FGF17: variants seen among roughly 807,000 people sequenced by gnomAD.
FGF17 encodes fibroblast growth factor 17.
A neutral mutation model predicts 23.5 loss-of-function variants in FGF17; 5 were observed. The observed-to-expected ratio is 0.21, with a 90% CI of 0.11 to 0.45. The LOEUF is 0.45. Ranked by LOEUF, FGF17 falls within the 20% of genes least tolerant of loss-of-function variation. The probability of loss-of-function intolerance (pLI) is 0.99; values close to 1 mark genes in which losing one functional copy is unlikely to be tolerated. For missense variants in FGF17, 221 were observed against 306.9 expected (o/e 0.72, Z 2.09); for synonymous variants, 136 against 123.0 (o/e 1.11, Z -0.70).
In FGF17 at chr8:22,042,865, A is replaced by G; in HGVS notation, c.-64A>G. On this transcript the variant is annotated 5_prime_UTR_variant, in exon 1 of 5. Coordinates refer to ENST00000359441, the MANE Select transcript of FGF17 (RefSeq NM_003867.4). ...CTTCTCTGGGACTCTACCCCTGGGG[A>G]CTTCCCACATCTGCTCCTGAGCTTG... The G allele has an allele frequency of 6.4e-7, 1 of 1,572,118 alleles. No homozygotes were observed. The highest frequency in any genetic ancestry group is 1.1e-5 in the South Asian group (1 of 89,348).
intron 2 of FGF17, chr8:22,045,817 G>T: frequency 7.5e-7 from 1 of 1,326,790 alleles, no homozygotes; most frequent in East Asian, 3.4e-5. Context: ...GGACGGGATA[G>T]AACCCTGAGG....
chr8:22,042,693 C>G (rs779236707), upstream of FGF17: 8 of 604,666 alleles, frequency 1.3e-5, no homozygotes, highest in South Asian at 1.2e-4. Context: ...GCTTTGCAGC[C>G]TCACTGGCCA....
In FGF17 at chr8:22,045,549, C is replaced by T. The variant is rs1370914361; in HGVS notation, c.73-565C>T. The stretch of plus-strand genomic sequence containing the variant: ...GTGCTTCAAAGAAATGCTCATGGGA[C>T]CCTGCAGGAGCTTTCAGAGTCCCCC... On this transcript the variant is annotated intron_variant, in intron 2 of 4. Transcript: ENST00000359441. 4 of 993,770 alleles carry T rather than the reference C, an allele frequency of 4.0e-6. No individual in the cohort carries two copies. The African/African-American group carries it at 7.0e-5, about 17-fold the overall frequency. 61.6% of individuals were successfully genotyped at this position (993,770 alleles called of 1,614,324 possible). A position where few individuals can be genotyped will look rare whatever the true frequency, so the allele number is the denominator to read the frequency against.
At chr8:22,044,352 G>A (rs537263871) in intron 2 of FGF17, among the ~76,000 whole-genome samples, 1 of 152,110 alleles carries the variant, frequency 6.6e-6, no homozygotes. Context: ...CTGCAGTGGT[G>A]GAAGGGGAGG....
upstream of FGF17, among the ~76,000 whole-genome samples, chr8:22,040,701 C>A (rs1455930867): frequency 6.6e-6 from 1 of 152,240 alleles, no homozygotes; most frequent in African/African-American, 2.4e-5. Context: ...GCCAGTGAGT[C>A]CCGACAGCAT....
Position 22,043,318 on chromosome 8 carries a change from G to A in FGF17, c.72+137G>A, listed in dbSNP as rs969798145. On this transcript the variant is annotated intron_variant, in intron 2 of 4. Transcript: ENST00000359441. ...CTGGGTCCAGGAGGCACTGAGGTTT[G>A]GAGGGGAGTGAGCCTTTGACCGGGT... 5 of 862,740 alleles carry A rather than the reference G, an allele frequency of 5.8e-6. No individual in the cohort carries two copies. In the Admixed American group the frequency reaches 6.0e-5, roughly 10 times the overall value. The allele number at this position is 862,740 out of a possible 1,614,324, so 53.4% of individuals were successfully genotyped here.
chr8:22,043,081 C>T (rs1179545272), intron 1 of FGF17, 64 bp from the exon 2 acceptor site: 1 of 1,603,176 alleles, frequency 6.2e-7, no homozygotes, highest in Admixed American at 1.7e-5. Context: ...GGGGCGGGGG[C>T]CTGGGTGCAC....
chr8:22,046,279 G>T lies in FGF17; in HGVS notation c.238G>T (p.Gly80Cys), dbSNP rs765200675. The T allele has an allele frequency of 6.2e-7, 1 of 1,613,442 alleles. No homozygotes were observed. The highest frequency in any genetic ancestry group is 8.5e-7 in the Non-Finnish European group (1 of 1,179,774). ...GRRISATAED[G>C]NKFAKLIVET... is the part of the protein sequence containing the mutation. The stretch of plus-strand genomic sequence containing the variant: ...TCGCATCTCCGCCACCGCCGAGGAC[G>T]GCAACAAGTTTGGTGAGAGTTGGCC... Residue 80 changes from glycine (G) to cysteine (C), a missense_variant, in exon 3 of 5, where the codon GGC becomes TGC. This residue lies in a region of FGF17 where 58 missense variants were observed against 121.0 expected (regional missense o/e 0.48). Transcript: ENST00000359441.
rs768803756 is a variant in FGF17 at position 22,047,987 on chromosome 8, C to T, written c.389C>T (p.Thr130Met). 8 of 1,606,350 alleles carry T rather than the reference C, an allele frequency of 5.0e-6. No individual in the cohort carries two copies. In the South Asian group the frequency reaches 6.6e-5, roughly 13 times the overall value. Residue 130 changes from threonine (T) to methionine (M), a missense_variant, in exon 5 of 5, where the codon ACG (threonine) becomes ATG (methionine). By Grantham distance (81) the Thr-to-Met change is moderately conservative (BLOSUM62 -1). Transcript: ENST00000359441. ...PSGKSKDCVF[T>M]EIVLENNYTA... Reference sequence around the variant, plus strand: ...GGGAAGAGCAAAGACTGCGTGTTCACGGAGATCGTGCTGGAGAACAACTAT... The same window carrying T: ...GGGAAGAGCAAAGACTGCGTGTTCATGGAGATCGTGCTGGAGAACAACTAT...
chr8:22,044,549 C>T (rs1046299696), intron 2 of FGF17: 8 of 329,742 alleles, frequency 2.4e-5, no homozygotes, highest in East Asian at 1.7e-4. Context: ...AGGAGGCCGT[C>T]GGCCAAGAGG....
At position 22,042,873 on chromosome 8, in the gene FGF17, C is replaced by A; in HGVS notation, c.-56C>A. ...GGACTCTACCCCTGGGGACTTCCCA[C>A]ATCTGCTCCTGAGCTTGGGGGCAGG... On this transcript the variant is annotated 5_prime_UTR_variant, in exon 1 of 5. Transcript: ENST00000359441. 1 of 1,601,846 alleles carries A rather than the reference C, an allele frequency of 6.2e-7. No homozygotes were observed. Among genetic ancestry groups the A allele is most frequent in the Non-Finnish European group, 8.5e-7 (1 of 1,171,022 alleles).
intron 2 of FGF17, chr8:22,045,796 A>G (rs1486693858): frequency 2.0e-5 from 25 of 1,271,810 alleles, no homozygotes; most frequent in South Asian, 3.2e-5. Flanking sequence ...CACCTCCTTC[A>G]TAGAATACGA....
chr8:22,043,169 C>T lies in FGF17; in HGVS notation c.60C>T (p.Cys20=), dbSNP rs1459599944. Residue 20 remains cysteine, a synonymous_variant, in exon 2 of 5, where the codon TGC becomes TGT. Coordinates refer to ENST00000359441, the MANE Select transcript of FGF17 (RefSeq NM_003867.4). ...LTLCLQLLIL[C]CQTQGENHPS... is the part of the protein sequence containing the mutation. ...GGTGCTTACAGCTGCTGATTCTCTG[C>T]TGTCAAACTCAGGTAGGCGGGCATT... The T allele has an allele frequency of 6.2e-7, 1 of 1,613,812 alleles. No individual in the cohort carries two copies. The highest frequency in any genetic ancestry group is 1.7e-5 in the Admixed American group (1 of 60,018).
rs1801019421 is a variant in FGF17 at position 22,048,534 on chromosome 8, G to A, written c.*285G>A. 4 of 477,314 alleles carry A rather than the reference G, an allele frequency of 8.4e-6. No individual in the cohort carries two copies. The highest frequency in any genetic ancestry group is 3.2e-5 in the South Asian group (1 of 31,354). The allele number at this position is 477,314 out of a possible 1,614,324, so 29.6% of individuals were successfully genotyped here. ...CCGGCCTCCCAGCCGGGCTCCTGAA[G>A]CCCGCTGAAAGGTCAGCGACTGAAG... On this transcript the variant is annotated 3_prime_UTR_variant, in exon 5 of 5. Transcript: ENST00000359441. This position sits in a 1 kb window ranked among gnomAD's most constrained non-coding sequence, Gnocchi z 6.9.
At chr8:22,043,485 A>G (rs974361868) in intron 2 of FGF17, among the ~76,000 whole-genome samples, 1 of 152,132 alleles carries the variant, frequency 6.6e-6, no homozygotes, top group Non-Finnish European at 1.5e-5. Flanking sequence ...AGCGGTTGGA[A>G]GCAGGTGGAG....
At chr8:22,042,640 T>A (rs3176263), upstream of FGF17, 24,633 of 592,130 alleles carry the variant, frequency 0.042, 2,634 homozygotes, top group East Asian at 0.33. Context: ...CAGGAGAGAC[T>A]GGCAGCCCAG....
intron 2 of FGF17, among the ~76,000 whole-genome samples, 159 bp downstream of exon 2, chr8:22,043,340 G>A (rs933466631): frequency 6.6e-6 from 1 of 152,228 alleles, no homozygotes; most frequent in South Asian, 2.1e-4. Flanking sequence ...GCCTTTGACC[G>A]GGTGGGCAGG....
rs1023882677 is a variant in FGF17 at position 22,048,208 on chromosome 8, C to A, written c.610C>A (p.Arg204Ser). The A allele has an allele frequency of 1.9e-6, 3 of 1,611,130 alleles. No homozygotes were observed. The highest frequency in any genetic ancestry group is 2.5e-6 in the Non-Finnish European group (3 of 1,179,230). The change falls in exon 5 of 5, where the codon CGC (arginine) becomes AGC (serine). Residue 204 changes from arginine (R) to serine (S), a missense_variant. By Grantham distance (110) the Arg-to-Ser change is moderately radical. This residue lies in a region of FGF17 where 128 missense variants were observed against 150.4 expected (regional missense o/e 0.85). Transcript: ENST00000359441. This position sits in a 1 kb window ranked among gnomAD's most constrained non-coding sequence, Gnocchi z 6.9. Reference protein sequence around the residue: ...QFEFVGSAPTRRTKRTRRPQP... With the variant: ...QFEFVGSAPTSRTKRTRRPQP... ...CGAGTTTGTGGGCTCCGCCCCCACCCGCCGGACCAAGCGCACACGGCGGCC... is the reference window on the plus strand; with the variant it reads ...CGAGTTTGTGGGCTCCGCCCCCACCAGCCGGACCAAGCGCACACGGCGGCC...
chr8:22,047,293 TC>T (rs1563365743), intron 4 of FGF17, among the ~76,000 whole-genome samples: 1 of 151,984 alleles, frequency 6.6e-6, no homozygotes, highest in Non-Finnish European at 1.5e-5. Context: ...AGACAGGAAC[TC>T]CCCCAAGTTC....
Sources: allele counts gnomAD v4.1 joint callset (sites outside exome capture counted in the v4.1 genomes callset), GRCh38; gene constraint gnomAD v4.1.1; regional missense constraint gnomAD v4.1.1; non-coding constraint Gnocchi (gnomAD v3.1); transcripts MANE v1.5; gene names NCBI Gene and HGNC (gene_info 2026-07-23, HGNC 2026-07-21).